ELAPOR2: variants seen among roughly 807,000 people sequenced by gnomAD.
ELAPOR2 encodes endosome-lysosome associated apoptosis and autophagy regulator family member 2.
ELAPOR2 carries 89 observed loss-of-function variants against 120.7 expected under a neutral mutation model. That is an observed-to-expected ratio of 0.74 (90% CI 0.62 to 0.88). The LOEUF is 0.88. ELAPOR2 is among the 40% of genes least tolerant of loss of function. The pLI, the probability that ELAPOR2 is intolerant of heterozygous loss-of-function variation, is 0.00. For synonymous variants in ELAPOR2, 444 were observed against 444.9 expected, an observed-to-expected ratio of 1.00 and a Z score of 0.03; for missense variants, 1,134 against 1,251.6, an observed-to-expected ratio of 0.91 and a Z score of 1.42.
intron 1 of ELAPOR2, among the ~76,000 whole-genome samples, chr7:86,998,156 C>A (rs1241309055): frequency 1.3e-5 from 2 of 152,076 alleles, no homozygotes; most frequent in Non-Finnish European, 2.9e-5. Flanking sequence ...TAAACCCTAC[C>A]CCTCAAGAGA....
At chr7:87,039,591 G>A (rs1794695817) in intron 1 of ELAPOR2, among the ~76,000 whole-genome samples, 1 of 152,104 alleles carries the variant, frequency 6.6e-6, no homozygotes, top group Non-Finnish European at 1.5e-5. Context: ...GGGATGCAAG[G>A]ATAATTCAAC....
chr7:86,890,599 C>T (rs896628758), intron 21 of ELAPOR2, among the ~76,000 whole-genome samples: 16 of 151,964 alleles, frequency 1.1e-4, no homozygotes, highest in Non-Finnish European at 2.1e-4. Context: ...TCTATGAATA[C>T]GAAACTGTCC....
chr7:87,043,153 T>G (rs1338560636), intron 1 of ELAPOR2, among the ~76,000 whole-genome samples: 1 of 151,738 alleles, frequency 6.6e-6, no homozygotes, highest in Non-Finnish European at 1.5e-5. Flanking sequence ...CAGGACCAGA[T>G]GGATTCACAG....
chr7:87,017,708 C>T (rs1793915266), intron 1 of ELAPOR2, among the ~76,000 whole-genome samples: 1 of 151,982 alleles, frequency 6.6e-6, no homozygotes, highest in South Asian at 2.1e-4. Flanking sequence ...AACACTTGAG[C>T]TCAGGAGTTT....
chr7:87,041,471 A>G (rs1185048727), intron 1 of ELAPOR2, among the ~76,000 whole-genome samples: 2 of 152,082 alleles, frequency 1.3e-5, no homozygotes, highest in African/African-American at 2.4e-5. Flanking sequence ...ACATTCTTAA[A>G]GAAAAGAATT....
rs141036143 is a variant in ELAPOR2, at chr7:86,991,011, A to G, written c.190-25987T>C. The stretch of plus-strand genomic sequence containing the variant: ...TGTTTGCCACTAAAAAATTGAATTT[A>G]TTTATCTGAGCTGTAAATGAACACA... On this transcript the variant is annotated intron_variant, in intron 1 of 21. Transcript: ENST00000450689. Among the ~76,000 whole-genome samples the G allele has an allele frequency of 2.3e-3, 347 of 152,288 alleles. 1 individual carries two copies. Among genetic ancestry groups the G allele is most frequent in the African/African-American group, 8.1e-3 (336 of 41,544 alleles).
chr7:86,962,738 G>A (rs1791764776), intron 2 of ELAPOR2, among the ~76,000 whole-genome samples: 1 of 152,140 alleles, frequency 6.6e-6, no homozygotes, highest in Non-Finnish European at 1.5e-5. Flanking sequence ...GGATACAATG[G>A]GATAACGACA....
At chr7:86,884,109 A>G (rs1291068727) in intron 21 of ELAPOR2, among the ~76,000 whole-genome samples, 1 of 152,202 alleles carries the variant, frequency 6.6e-6, no homozygotes, top group Non-Finnish European at 1.5e-5. Context: ...TTTCTGTACT[A>G]TTTCAAAATT....
intron 4 of ELAPOR2, among the ~76,000 whole-genome samples, chr7:86,943,361 G>C (rs1267940422): frequency 6.6e-6 from 1 of 151,462 alleles, no homozygotes; most frequent in African/African-American, 2.4e-5. Context: ...TAAATACTTT[G>C]TTGCTGTCAA....
At chr7:86,997,130 A>AT (rs1793152686) in intron 1 of ELAPOR2, among the ~76,000 whole-genome samples, 1 of 152,138 alleles carries the variant, frequency 6.6e-6, no homozygotes, top group African/African-American at 2.4e-5. Context: ...AAAAGCTTAA[A>AT]TTTTTTGCAT....
intron 1 of ELAPOR2, chr7:86,965,938 T>A: frequency 1.0e-6 from 1 of 985,412 alleles, no homozygotes; most frequent in Non-Finnish European, 1.2e-6. Flanking sequence ...ACATCAGGAA[T>A]GAGAAGGCCA....
At chr7:86,892,365 G>T (rs1219902864) in intron 20 of ELAPOR2, among the ~76,000 whole-genome samples, 1 of 151,996 alleles carries the variant, frequency 6.6e-6, no homozygotes, top group Non-Finnish European at 1.5e-5. Context: ...CAATATAGGA[G>T]TTCCACAGTC....
In ELAPOR2 at chr7:86,910,112, A is replaced by G. The variant is rs1171422820; in HGVS notation, c.2170-111T>C. On this transcript the variant is annotated intron_variant, in intron 15 of 21. Transcript: ENST00000450689. ...CAGTGGCTCTCTCCTCACTGCAAGGATTCTGATTTAGTTGATCTGGTATGA... is the reference window on the plus strand; with the variant it reads ...CAGTGGCTCTCTCCTCACTGCAAGGGTTCTGATTTAGTTGATCTGGTATGA... 3.8e-6 allele frequency: 3 copies of G among 790,116 alleles called. No individual in the cohort carries two copies. The African/African-American group carries it at 5.3e-5, about 14-fold the overall frequency. The allele number at this position is 790,116 out of a possible 1,614,324, so 48.9% of individuals were successfully genotyped here.
At position 86,966,585 on chromosome 7, in the gene ELAPOR2, G is replaced by A. The variant is rs147355034; in HGVS notation, c.190-1561C>T. 1.6e-3 allele frequency among the ~76,000 whole-genome samples: 241 copies of A among 152,160 alleles called. 2 individuals carry two copies. Among genetic ancestry groups the A allele is most frequent in the Admixed American group, 8.8e-3 (135 of 15,290 alleles). On this transcript the variant is annotated intron_variant, in intron 1 of 21. Transcript: ENST00000450689. ...TATCCAGTTCTAAAGCCACATTCCCGCTTTTAGGTGTTTGTTACAACAACA... is the reference window on the plus strand; with the variant it reads ...TATCCAGTTCTAAAGCCACATTCCCACTTTTAGGTGTTTGTTACAACAACA...
At chr7:87,041,155 A>G (rs1794772663) in intron 1 of ELAPOR2, among the ~76,000 whole-genome samples, 1 of 152,164 alleles carries the variant, frequency 6.6e-6, no homozygotes, top group South Asian at 2.1e-4. Flanking sequence ...CCTGAAAGGG[A>G]TGGGCAGAAT....
chr7:86,969,031 ACTC>A (rs1227715997), intron 1 of ELAPOR2, among the ~76,000 whole-genome samples: 1 of 152,146 alleles, frequency 6.6e-6, no homozygotes, highest in Admixed American at 6.6e-5. Context: ...ACATGGAATT[ACTC>A]CTCATCACAA....
intron 1 of ELAPOR2, among the ~76,000 whole-genome samples, chr7:86,991,978 G>A (rs1635038): frequency 0.38 from 57,608 of 152,108 alleles, 11,771 homozygotes; most frequent in African/African-American, 0.53. Flanking sequence ...GCTTTAACTA[G>A]GCATGTTGCC....
At chr7:86,894,881 C>A (rs1482781041) in intron 19 of ELAPOR2, among the ~76,000 whole-genome samples, 5 of 152,030 alleles carry the variant, frequency 3.3e-5, no homozygotes, top group African/African-American at 1.2e-4. Context: ...ATGCTTAATA[C>A]ACACTTAGAA....
At chr7:86,912,368 C>A (rs1055802320) in intron 14 of ELAPOR2, 123 bp from the exon 15 acceptor site, 3 of 511,724 alleles carry the variant, frequency 5.9e-6, no homozygotes, top group African/African-American at 1.9e-5. Context: ...CTATAATATA[C>A]TTTACCATAC....
Sources: allele counts gnomAD v4.1 joint callset (sites outside exome capture counted in the v4.1 genomes callset), GRCh38; gene constraint gnomAD v4.1.1; transcripts MANE v1.5; gene names NCBI Gene and HGNC (gene_info 2026-07-23, HGNC 2026-07-21).